ADAM10: variants seen among roughly 807,000 people sequenced by gnomAD.
The protein encoded by ADAM10 is disintegrin and metalloproteinase domain-containing protein 10.
ADAM10 carries 17 observed loss-of-function variants against 90.1 expected under a neutral mutation model. The observed-to-expected ratio is 0.19, with a 90% CI of 0.13 to 0.28. The LOEUF (loss-of-function observed/expected upper bound fraction) is 0.28. Ranked by LOEUF, ADAM10 falls within the 10% of genes least tolerant of loss-of-function variation. The pLI, the probability that ADAM10 is intolerant of heterozygous loss-of-function variation, is 1.00. For missense variants in ADAM10, 610 were observed against 914.3 expected (o/e 0.67, Z 4.29); for synonymous variants, 310 against 298.6 (o/e 1.04, Z -0.40).
At chr15:58,720,394 ATTTTATTTTATTTTT>A (rs146545551) in intron 1 of ADAM10, among the ~76,000 whole-genome samples, 91,160 of 145,480 alleles carry the variant, frequency 0.63, 28,873 homozygotes, top group Middle Eastern at 0.72. Flanking sequence ...ATTTTATTTT[ATTTTATTTTATTTTT>A]TTTTTTTTTG....
At chr15:58,726,195 T>TTTGAAGTGAAGTA (rs1355778126) in intron 1 of ADAM10, among the ~76,000 whole-genome samples, 2 of 152,250 alleles carry the variant, frequency 1.3e-5, no homozygotes, top group South Asian at 4.1e-4. Context: ...TGAAGTAATA[T>TTTGAAGTGAAGTA]TATTTGAAAG....
chr15:58,726,743 T>TGGG (rs1899044274), intron 1 of ADAM10, among the ~76,000 whole-genome samples: 1 of 151,698 alleles, frequency 6.6e-6, no homozygotes, highest in African/African-American at 2.4e-5. Context: ...TGTGCACCTG[T>TGGG]GGTCCCAGCT....
chr15:58,610,112 C>A (rs1895397045), intron 14 of ADAM10, 185 bp downstream of exon 14: 1 of 652,752 alleles, frequency 1.5e-6, no homozygotes, highest in Admixed American at 2.4e-5. Context: ...ATGAATGATA[C>A]ACATGATTCT....
chr15:58,612,646 G>A (rs765681380), intron 11 of ADAM10, among the ~76,000 whole-genome samples: 2 of 152,016 alleles, frequency 1.3e-5, no homozygotes, highest in Non-Finnish European at 2.9e-5. Flanking sequence ...TCCATCCCCG[G>A]TGACCCAACT....
intron 2 of ADAM10, chr15:58,692,811 A>G: frequency 3.1e-6 from 2 of 639,364 alleles, no homozygotes; most frequent in South Asian, 2.7e-5. Flanking sequence ...AGCCAACACC[A>G]AATTGCCCAA....
intron 2 of ADAM10, chr15:58,692,638 T>C (rs1047496320): frequency 1.4e-5 from 8 of 559,848 alleles, no homozygotes; most frequent in Admixed American, 3.8e-5. Flanking sequence ...CTCTGTCTGA[T>C]CTTCTTTAAG....
chr15:58,602,211 A>C (rs1264392839), intron 14 of ADAM10, among the ~76,000 whole-genome samples: 2 of 152,034 alleles, frequency 1.3e-5, no homozygotes, highest in African/African-American at 4.8e-5. Context: ...TCATTCTTTG[A>C]GCACTTTCTT....
rs577480588 is a variant in ADAM10 at position 58,748,743 on chromosome 15, G to A, written c.55+737C>T. 6.7e-4 allele frequency: 262 copies of A among 393,910 alleles called. 1 individual carries two copies. Among genetic ancestry groups the A allele is most frequent in the African/African-American group, 4.6e-3 (224 of 48,552 alleles). 24.4% of individuals were successfully genotyped at this position (393,910 alleles called of 1,614,324 possible). A position where few individuals can be genotyped will look rare whatever the true frequency, so the allele number is the denominator to read the frequency against. ...TCCCCAAATGGTTTACCCTTCTCCC[G>A]ACCAAACCCTTTCCCCTGGGCGACA... On this transcript the variant is annotated intron_variant, in intron 1 of 15. Transcript: ENST00000260408.
chr15:58,690,317 T>C (rs894033690), intron 2 of ADAM10, among the ~76,000 whole-genome samples: 26 of 152,126 alleles, frequency 1.7e-4, no homozygotes, highest in African/African-American at 6.0e-4. Flanking sequence ...TCTCCTAAGA[T>C]TGGGAAGAAG....
chr15:58,707,895 G>A (rs1389586524), intron 2 of ADAM10, among the ~76,000 whole-genome samples: 3 of 151,988 alleles, frequency 2.0e-5, no homozygotes, highest in Admixed American at 2.0e-4. Flanking sequence ...TGGCCAATAT[G>A]GTGAAATGCC....
At chr15:58,685,235 G>A (rs1180987419) in intron 2 of ADAM10, among the ~76,000 whole-genome samples, 10 of 149,404 alleles carry the variant, frequency 6.7e-5, no homozygotes, top group Admixed American at 6.7e-4. Flanking sequence ...GCCGACGCAG[G>A]CAGATCATGA....
At position 58,597,303 on chromosome 15, in the gene ADAM10, T is replaced by G. The variant is rs1894982075; in HGVS notation, c.*244A>C. On this transcript the variant is annotated 3_prime_UTR_variant, in exon 16 of 16. Coordinates refer to ENST00000260408, the MANE Select transcript of ADAM10 (RefSeq NM_001110.4). ...AATAATATTCTAAGACTTTGTGCCA[T>G]TAAGTTAAAAATATCTGTTCATAAG... 1 of 1,335,352 alleles carries G rather than the reference T, an allele frequency of 7.5e-7. No homozygotes were observed. The allele number at this position is 1,335,352 out of a possible 1,614,324, so 82.7% of individuals were successfully genotyped here. A position where few individuals can be genotyped will look rare whatever the true frequency, so the allele number is the denominator to read the frequency against.
chr15:58,709,188 C>T (rs1271349777), intron 2 of ADAM10, among the ~76,000 whole-genome samples: 3 of 152,062 alleles, frequency 2.0e-5, no homozygotes, highest in African/African-American at 7.2e-5. Flanking sequence ...CCTTGCTGCA[C>T]CTTTAAGAAA....
intron 2 of ADAM10, among the ~76,000 whole-genome samples, chr15:58,694,257 C>A (rs1897910384): frequency 6.6e-6 from 1 of 152,184 alleles, no homozygotes; most frequent in Non-Finnish European, 1.5e-5. Flanking sequence ...CAAGACCAGC[C>A]TGGCCAGCAT....
chr15:58,686,380 G>C, intron 2 of ADAM10: 1 of 866,986 alleles, frequency 1.2e-6, no homozygotes, highest in Non-Finnish European at 1.9e-6. Flanking sequence ...TTAAAAACAA[G>C]GCTGGGCCCT....
intron 11 of ADAM10, among the ~76,000 whole-genome samples, chr15:58,616,643 G>A (rs1895624020): frequency 6.6e-6 from 1 of 152,094 alleles, no homozygotes; most frequent in East Asian, 1.9e-4. Flanking sequence ...GCAATATTAA[G>A]ACGGAAGTTT....
In ADAM10 at chr15:58,693,674, G is replaced by C. The variant is rs146307997; in HGVS notation, c.207-11360C>G. The stretch of plus-strand genomic sequence containing the variant: ...GCCTTGGTAGTCAATGCTACCTTAA[G>C]AAACAAAAGCAAAAATCATAAAAGA... On this transcript the variant is annotated intron_variant, in intron 2 of 15. Coordinates refer to ENST00000260408, the MANE Select transcript of ADAM10 (RefSeq NM_001110.4). 1.5e-3 allele frequency among the ~76,000 whole-genome samples: 205 copies of C among 140,784 alleles called. 1 individual carries two copies. The highest frequency in any genetic ancestry group is 5.2e-3 in the African/African-American group (195 of 37,484). The allele number at this position is 140,784 out of a possible 152,430, so 92.4% of individuals were successfully genotyped here. A position where few individuals can be genotyped will look rare whatever the true frequency, so the allele number is the denominator to read the frequency against.
intron 1 of ADAM10, among the ~76,000 whole-genome samples, chr15:58,727,537 G>T (rs1398579351): frequency 6.6e-6 from 1 of 152,096 alleles, no homozygotes; most frequent in Non-Finnish European, 1.5e-5. Context: ...TCGCTATGTT[G>T]TCTAGGCTGG....
At chr15:58,663,218 CT>C (rs1164772333) in intron 5 of ADAM10, among the ~76,000 whole-genome samples, 1 of 152,168 alleles carries the variant, frequency 6.6e-6, no homozygotes, top group Admixed American at 6.5e-5. Context: ...TAAATATGGA[CT>C]TCATTTACAG....
Sources: allele counts gnomAD v4.1 joint callset (sites outside exome capture counted in the v4.1 genomes callset), GRCh38; gene constraint gnomAD v4.1.1; transcripts MANE v1.5; gene names NCBI Gene and HGNC (gene_info 2026-07-23, HGNC 2026-07-21).